Variants in PDK1 observed in about 807,000 individuals in gnomAD.
The protein encoded by PDK1 is [Pyruvate dehydrogenase (acetyl-transferring)] kinase isozyme 1, mitochondrial.
A neutral mutation model predicts 54.2 loss-of-function variants in PDK1; 39 were observed. That is an observed-to-expected ratio of 0.72 (90% CI 0.56 to 0.94). The LOEUF (loss-of-function observed/expected upper bound fraction) is 0.94. Ranked by LOEUF, PDK1 falls within the 40% of genes least tolerant of loss-of-function variation. The pLI is 0.00. For missense variants in PDK1, 552 were observed against 566.0 expected (o/e 0.98, Z 0.25); for synonymous variants, 221 against 207.1 (o/e 1.07, Z -0.58).
chr2:172,706,802 C>T, the PDK1 span, among the ~76,000 whole-genome samples: 1 of 152,196 alleles, frequency 6.6e-6, no homozygotes, highest in South Asian at 2.1e-4. Flanking sequence ...TCTGTCTTAG[C>T]AGTCTTTTGG....
At chr2:172,589,953 G>A (rs1302192873) in intron 9 of PDK1, among the ~76,000 whole-genome samples, 1 of 152,158 alleles carries the variant, frequency 6.6e-6, no homozygotes, top group East Asian at 1.9e-4. Flanking sequence ...AGTTGTGCTG[G>A]ACTGGAAAGT....
the PDK1 span, among the ~76,000 whole-genome samples, chr2:172,642,415 G>A: frequency 6.6e-6 from 1 of 152,172 alleles, no homozygotes; most frequent in African/African-American, 2.4e-5. Context: ...AGGAGTGGCT[G>A]TGAAAACCCT....
chr2:172,614,176 C>G, the PDK1 span, among the ~76,000 whole-genome samples: 1 of 99,856 alleles, frequency 1.0e-5, no homozygotes, highest in South Asian at 3.4e-4. Context: ...GGAAGGACCC[C>G]CCCCCCCAAC....
chr2:172,630,470 C>T, the PDK1 span, among the ~76,000 whole-genome samples: 1 of 152,142 alleles, frequency 6.6e-6, no homozygotes, highest in Non-Finnish European at 1.5e-5. Flanking sequence ...TAGTGACTAC[C>T]ATATTGGAGA....
Position 172,566,938 on chromosome 2 carries a change from G to A in PDK1, c.769+5G>A, listed in dbSNP as rs1688987678. ...TAGAACTTGAAGAACTAAATGGTAA[G>A]CCTGATGTTGTCTTTTTCTCAATAA... On this transcript the variant is annotated splice_donor_5th_base_variant and intron_variant, in intron 6 of 10. Transcript: ENST00000282077. 1.3e-6 allele frequency: 2 copies of A among 1,573,514 alleles called. No homozygotes were observed. The highest frequency in any genetic ancestry group is 1.7e-6 in the Non-Finnish European group (2 of 1,145,510).
chr2:172,591,638 T>C (rs1690595409), intron 9 of PDK1, among the ~76,000 whole-genome samples: 2 of 152,216 alleles, frequency 1.3e-5, no homozygotes, highest in Admixed American at 1.3e-4. Context: ...ATTAGTTGTA[T>C]GGCCCTGCGC....
the PDK1 span, among the ~76,000 whole-genome samples, chr2:172,653,615 A>C: frequency 6.6e-6 from 1 of 152,086 alleles, no homozygotes; most frequent in Admixed American, 6.5e-5. Context: ...AAAAAAAAAA[A>C]AATTAATTCA....
At chr2:172,692,284 T>C in the PDK1 span, among the ~76,000 whole-genome samples, 1 of 152,214 alleles carries the variant, frequency 6.6e-6, no homozygotes, top group African/African-American at 2.4e-5. Context: ...GATGAGGAAA[T>C]ATACCATCAA....
At chr2:172,623,652 C>T in the PDK1 span, among the ~76,000 whole-genome samples, 1 of 152,114 alleles carries the variant, frequency 6.6e-6, no homozygotes, top group African/African-American at 2.4e-5. Context: ...GAAGGCAGAA[C>T]AAATTTTACA....
At chr2:172,563,041 A>T (rs540985027) in intron 3 of PDK1, among the ~76,000 whole-genome samples, 3 of 152,348 alleles carry the variant, frequency 2.0e-5, no homozygotes, top group African/African-American at 7.2e-5. Flanking sequence ...TTGCTTAGGT[A>T]TTGAGCAGAC....
At chr2:172,720,113 TC>T in the PDK1 span, among the ~76,000 whole-genome samples, 7,927 of 109,894 alleles carry the variant, frequency 0.072, 702 homozygotes, top group East Asian at 0.5. Context: ...TCTCTCTCTC[TC>T]TCTTTTTTTT....
At chr2:172,700,366 T>TGCCG in the PDK1 span, among the ~76,000 whole-genome samples, 1 of 116,166 alleles carries the variant, frequency 8.6e-6, no homozygotes, top group Non-Finnish European at 1.8e-5. Context: ...CTGGACGGGG[T>TGCCG]GGCGGCGGGG....
intron 7 of PDK1, among the ~76,000 whole-genome samples, chr2:172,569,142 T>A (rs979167820): frequency 1.3e-5 from 2 of 152,252 alleles, no homozygotes; most frequent in Non-Finnish European, 2.9e-5. Flanking sequence ...GGATTGTTTA[T>A]GACTATTGGG....
At chr2:172,684,968 G>T in the PDK1 span, among the ~76,000 whole-genome samples, 1 of 152,136 alleles carries the variant, frequency 6.6e-6, no homozygotes, top group African/African-American at 2.4e-5. Context: ...TGCTGTTCTT[G>T]TGATAGTGAA....
the PDK1 span, among the ~76,000 whole-genome samples, chr2:172,629,843 T>C: frequency 6.6e-6 from 1 of 152,176 alleles, no homozygotes. Flanking sequence ...CTCTGTACCC[T>C]GTCACCTGCA....
the PDK1 span, among the ~76,000 whole-genome samples, chr2:172,650,345 G>C: frequency 6.6e-6 from 1 of 152,172 alleles, no homozygotes; most frequent in East Asian, 1.9e-4. Context: ...ACTAAATATG[G>C]AAAGGAGCAA....
chr2:172,654,876 C>T, the PDK1 span, among the ~76,000 whole-genome samples: 1 of 152,094 alleles, frequency 6.6e-6, no homozygotes, highest in Non-Finnish European at 1.5e-5. Context: ...CGGTTTCACC[C>T]GAGAGGTTAC....
At chr2:172,696,591 G>C in the PDK1 span, among the ~76,000 whole-genome samples, 1 of 152,160 alleles carries the variant, frequency 6.6e-6, no homozygotes, top group Non-Finnish European at 1.5e-5. Context: ...GCGTTAGTAT[G>C]ATGACATAGG....
At position 172,596,068 on chromosome 2, in the gene PDK1, T is replaced by A; in HGVS notation, c.*99T>A. On this transcript the variant is annotated 3_prime_UTR_variant, in exon 11 of 11. Coordinates refer to ENST00000282077, the MANE Select transcript of PDK1 (RefSeq NM_002610.5). ...ATTATACCAAGTACTTTATTTATCGTTTTCACAAAACTATTTGAGTAGAAT... is the reference window on the plus strand; with the variant it reads ...ATTATACCAAGTACTTTATTTATCGATTTCACAAAACTATTTGAGTAGAAT... 1 of 1,023,298 alleles carries A rather than the reference T, an allele frequency of 9.8e-7. No individual in the cohort carries two copies. The highest frequency in any genetic ancestry group is 1.4e-6 in the Non-Finnish European group (1 of 721,834). The allele number at this position is 1,023,298 out of a possible 1,614,324, so 63.4% of individuals were successfully genotyped here. A position where few individuals can be genotyped will look rare whatever the true frequency, so the allele number is the denominator to read the frequency against.
Sources: allele counts gnomAD v4.1 joint callset (sites outside exome capture counted in the v4.1 genomes callset), GRCh38; gene constraint gnomAD v4.1.1; transcripts MANE v1.5; gene names NCBI Gene and HGNC (gene_info 2026-07-23, HGNC 2026-07-21).